The following PHKA2 variants were observed in gnomAD, a reference collection of about 807,000 sequenced individuals.
The protein encoded by PHKA2 is phosphorylase kinase regulatory subunit alpha 2, also known as phosphorylase b kinase regulatory subunit alpha, liver isoform.
In PHKA2, 31 loss-of-function variants were observed where a neutral mutation model predicts 102.0. The ratio of observed to expected loss-of-function variants is 0.30; its 90% confidence interval spans 0.23 to 0.41. PHKA2 has a LOEUF of 0.41. PHKA2 is among the 10% of genes least tolerant of loss of function. The probability of loss-of-function intolerance (pLI) is 1.00; values close to 1 mark genes in which losing one functional copy is unlikely to be tolerated. For synonymous variants in PHKA2, 455 were observed against 416.2 expected (o/e 1.09, Z -1.13); for missense variants, 858 against 1,023.1 (o/e 0.84, Z 2.20).
intron 11 of PHKA2, among the ~76,000 whole-genome samples, chrX:18,932,417 G>A (rs2048331059): frequency 9.0e-6 from 1 of 111,111 alleles, no homozygotes; most frequent in South Asian, 3.8e-4. Flanking sequence ...TTGGTTGGGG[G>A]TAATGTCAGT....
In PHKA2 at chrX:18,977,665, T is replaced by C. The variant is rs982028175; in HGVS notation, c.78+6190A>G. 4.5e-5 allele frequency among the ~76,000 whole-genome samples: 5 copies of C among 111,271 alleles called. 1 individual carries two copies. Among genetic ancestry groups the C allele is most frequent in the Non-Finnish European group, 1.9e-5 (1 of 53,169 alleles). The stretch of plus-strand genomic sequence containing the variant: ...TAGCAATACCATTCTGTATCCCTAA[T>C]ATAATTTTTAAAAAATTTCAAAGTC... On this transcript the variant is annotated intron_variant, in intron 1 of 32. Transcript: ENST00000379942.
chrX:18,936,014 T>A lies in PHKA2; in HGVS notation c.1137+41A>T, dbSNP rs1284693513. 4 of 898,074 alleles carry A rather than the reference T, an allele frequency of 4.5e-6. No homozygotes were observed. In the Admixed American group the frequency reaches 9.0e-5, roughly 20 times the overall value. The allele number at this position is 898,074 out of a possible 1,213,427, so 74.0% of individuals were successfully genotyped here. A position where few individuals can be genotyped will look rare whatever the true frequency, so the allele number is the denominator to read the frequency against. ...CAGGCCAAGCAATGAGTCACTTATT[T>A]CTAGATAAGCGGTGCAAAGGGCCCT... On this transcript the variant is annotated intron_variant, in intron 11 of 32. Coordinates refer to ENST00000379942, the MANE Select transcript of PHKA2 (RefSeq NM_000292.3).
intron 11 of PHKA2, among the ~76,000 whole-genome samples, chrX:18,934,088 C>T (rs1386070339): frequency 8.9e-6 from 1 of 111,901 alleles, no homozygotes; most frequent in African/African-American, 3.3e-5. Flanking sequence ...ATTACCAATT[C>T]GGTTTTCCCG....
chrX:18,895,911 G>A (rs1241431631), intron 30 of PHKA2: 2 of 112,547 alleles, frequency 1.8e-5, no homozygotes, highest in Non-Finnish European at 3.7e-5. Context: ...GCGGGAAGTG[G>A]AGCAAGCACC....
intron 15 of PHKA2, 132 bp from the exon 16 acceptor site, chrX:18,924,657 C>G: frequency 1.6e-6 from 1 of 617,998 alleles, no homozygotes; most frequent in South Asian, 2.4e-5. Context: ...TCAATCCACC[C>G]AGTCATGGGG....
At chrX:18,948,028 A>G (rs1278607373) in intron 5 of PHKA2, among the ~76,000 whole-genome samples, 1 of 111,643 alleles carries the variant, frequency 9.0e-6, no homozygotes, top group Admixed American at 9.5e-5. Context: ...GAGAGGAATA[A>G]AAGACTACAA....
intron 30 of PHKA2, 112 bp downstream of exon 30, chrX:18,897,051 G>T: frequency 4.4e-6 from 4 of 899,684 alleles, no homozygotes; most frequent in Non-Finnish European, 4.9e-6. Context: ...CAGCGCTGAG[G>T]CAGAGAAGCC....
intron 12 of PHKA2, among the ~76,000 whole-genome samples, chrX:18,930,999 G>T (rs1423408633): frequency 8.9e-6 from 1 of 111,778 alleles, no homozygotes; most frequent in African/African-American, 3.3e-5. Flanking sequence ...AGGAACGACA[G>T]CCCATCTGAT....
chrX:18,924,119 T>C lies in PHKA2; in HGVS notation c.1730A>G (p.Asp577Gly). ...SRTMLTNDGS[D>G]IHSAVLSTIR... ...TGTGGAGAGCACAGCAGAATGAATGTCTGAGCCATCATTTGCTAAGGAAAA... is the reference window on the plus strand; with the variant it reads ...TGTGGAGAGCACAGCAGAATGAATGCCTGAGCCATCATTTGCTAAGGAAAA... The change falls in exon 17 of 33, where the codon GAC (aspartate) becomes GGC (glycine). Residue 577 changes from aspartate to glycine, a missense_variant. Physicochemically the swap from Asp to Gly is moderately conservative, Grantham distance 94. Around this residue, in one of 2 missense-constraint regions of PHKA2, gnomAD observed 671 missense variants for 745.2 expected, o/e 0.90. Coordinates refer to ENST00000379942, the MANE Select transcript of PHKA2 (RefSeq NM_000292.3). 8.3e-7 allele frequency: 1 copy of C among 1,204,267 alleles called. No individual in the cohort carries two copies. The highest frequency in any genetic ancestry group is 1.1e-6 in the Non-Finnish European group (1 of 888,405).
chrX:18,981,807 A>G (rs2049174489), intron 1 of PHKA2, among the ~76,000 whole-genome samples: 1 of 110,669 alleles, frequency 9.0e-6, no homozygotes, highest in Admixed American at 9.6e-5. Flanking sequence ...ACTGTTGCCC[A>G]GTAGGTGCCA....
chrX:18,919,389 G>A (rs1296191799), intron 18 of PHKA2, among the ~76,000 whole-genome samples: 1 of 111,803 alleles, frequency 8.9e-6, no homozygotes, highest in Non-Finnish European at 1.9e-5. Flanking sequence ...TCTGTCTTCA[G>A]AATGTATGTA....
chrX:18,936,025 G>T lies in PHKA2; in HGVS notation c.1137+30C>A, dbSNP rs369604658. On this transcript the variant is annotated intron_variant, in intron 11 of 32. Coordinates refer to ENST00000379942, the MANE Select transcript of PHKA2 (RefSeq NM_000292.3). ...ATGAGTCACTTATTTCTAGATAAGCGGTGCAAAGGGCCCTCTGCCACTGGG... is the reference window on the plus strand; with the variant it reads ...ATGAGTCACTTATTTCTAGATAAGCTGTGCAAAGGGCCCTCTGCCACTGGG... 16 of 963,622 alleles carry T rather than the reference G, an allele frequency of 1.7e-5. No homozygotes were observed. In the East Asian group the frequency reaches 4.9e-4, roughly 30 times the overall value. 79.4% of individuals were successfully genotyped at this position (963,622 alleles called of 1,213,427 possible).
intron 26 of PHKA2, among the ~76,000 whole-genome samples, chrX:18,903,086 A>G (rs928801833): frequency 8.9e-6 from 1 of 112,181 alleles, no homozygotes; most frequent in Admixed American, 9.4e-5. Flanking sequence ...TTTAACTAAC[A>G]AAACAGTACC....
At position 18,924,056 on chromosome X, in the gene PHKA2, C is replaced by T; in HGVS notation, c.1793G>A (p.Arg598Lys). Reference sequence around the variant, plus strand: ...ATTTTTTAAAAAAATCACAAATTACCTGGCTCCTCCAAAATATCCATCCTC... The same window carrying T: ...ATTTTTTAAAAAAATCACAAATTACTTGGCTCCTCCAAAATATCCATCCTC... ...KLEDGYFGGA[R>K]VKLGNLSEFL... The change falls in exon 17 of 33, where the codon AGA becomes AAA. Residue 598 changes from arginine (R) to lysine (K), a missense_variant and splice_region_variant. Transcript: ENST00000379942. 1 of 1,178,045 alleles carries T rather than the reference C, an allele frequency of 8.5e-7. No homozygotes were observed. Among genetic ancestry groups the T allele is most frequent in the South Asian group, 1.8e-5 (1 of 56,298 alleles).
In PHKA2 at chrX:18,914,282, A is replaced by G. The variant is rs771206636; in HGVS notation, c.2138-3322T>C. ...AAAGTTATGTGGTGCATAACTGTAT[A>G]TATTTTTTTTTAAAAGACAAATCCT... On this transcript the variant is annotated intron_variant, in intron 19 of 32. Transcript: ENST00000379942. Among the ~76,000 whole-genome samples, 7 of 112,500 alleles carry G rather than the reference A, an allele frequency of 6.2e-5. No individual in the cohort carries two copies. In the East Asian group the frequency reaches 1.7e-3, roughly 27 times the overall value.
intron 8 of PHKA2, among the ~76,000 whole-genome samples, 153 bp from the exon 9 acceptor site, chrX:18,940,201 T>C (rs987821292): frequency 6.6e-4 from 74 of 112,267 alleles, no homozygotes; most frequent in African/African-American, 2.3e-3. Context: ...TATATTTAAG[T>C]AATAAGCAAA....
At chrX:18,907,781 G>C (rs2047847862) in intron 22 of PHKA2, 119 bp downstream of exon 22, 13 of 793,057 alleles carry the variant, frequency 1.6e-5, no homozygotes, top group Non-Finnish European at 2.5e-5. Flanking sequence ...CGCTCCACCT[G>C]TGGGTTAAAG....
At chrX:18,952,321 C>A (rs2048708081) in intron 3 of PHKA2, among the ~76,000 whole-genome samples, 173 bp downstream of exon 3, 1 of 89,224 alleles carries the variant, frequency 1.1e-5, no homozygotes, top group African/African-American at 4.8e-5. Context: ...CAGTGTGAGA[C>A]CCTGTCTCAA....
At position 18,938,643 on chromosome X, in the gene PHKA2, C is replaced by T. The variant is rs1242489726; in HGVS notation, c.1025G>A (p.Ser342Asn). The change falls in exon 10 of 33, where the codon AGT (serine) becomes AAT (asparagine). Residue 342 changes from serine to asparagine, a missense_variant. Transcript: ENST00000379942. The stretch of plus-strand genomic sequence containing the variant: ...TTTTCTCACCTGAACAGCATCACCA[C>T]TGAAGACTCCATCTATTATAAAATA... ...WTYFIIDGVF[S>N]GDAVQVQEYR... The T allele has an allele frequency of 8.3e-7, 1 of 1,206,581 alleles. No individual in the cohort carries two copies. The highest frequency in any genetic ancestry group is 1.1e-6 in the Non-Finnish European group (1 of 890,489).
Sources: gnomAD v4.1 joint callset for allele counts (sites outside exome capture counted in the v4.1 genomes callset) on GRCh38, gnomAD v4.1.1 for gene constraint, gnomAD v4.1.1 regional missense constraint, MANE v1.5 for transcripts, NCBI Gene and HGNC (gene_info 2026-07-23, HGNC 2026-07-21) for gene names.